Variants in RANBP2 observed in about 807,000 individuals in gnomAD.
RANBP2 encodes E3 SUMO-protein ligase RanBP2.
Under a neutral mutation model 303.6 loss-of-function variants are expected in RANBP2, and 57 were observed. The observed-to-expected ratio is 0.19, with a 90% CI of 0.15 to 0.23. The LOEUF (loss-of-function observed/expected upper bound fraction) is 0.23. RANBP2 is among the 10% of genes least tolerant of loss of function. The pLI is 1.00. For missense variants in RANBP2, 3,138 were observed against 3,780.8 expected, an observed-to-expected ratio of 0.83 and a Z score of 4.46; for synonymous variants, 1,167 against 1,301.5, an observed-to-expected ratio of 0.90 and a Z score of 2.23.
the RANBP2 span, among the ~76,000 whole-genome samples, chr2:108,800,933 C>T: frequency 8.8e-6 from 1 of 114,066 alleles, no homozygotes; most frequent in Non-Finnish European, 1.8e-5. Context: ...CAGTTTCATC[C>T]ATGTCCCTAC....
the RANBP2 span, chr2:109,614,522 G>A: frequency 1.6e-6 from 2 of 1,262,836 alleles, no homozygotes; most frequent in African/African-American, 1.6e-5. Context: ...GCCCCGAGGC[G>A]GCGCTGGGCC....
the RANBP2 span, among the ~76,000 whole-genome samples, chr2:108,998,897 C>T: frequency 4.6e-5 from 7 of 152,312 alleles, no homozygotes; most frequent in East Asian, 1.9e-4. Flanking sequence ...AAGCTGGGCC[C>T]GTGCCTCCTC....
At chr2:109,396,284 A>C in the RANBP2 span, among the ~76,000 whole-genome samples, 2 of 152,244 alleles carry the variant, frequency 1.3e-5, no homozygotes, top group Non-Finnish European at 2.9e-5. Flanking sequence ...AAAATAGAGC[A>C]AAACAGCTGA....
chr2:109,080,723 G>T, the RANBP2 span, among the ~76,000 whole-genome samples: 1 of 152,274 alleles, frequency 6.6e-6, no homozygotes, highest in Non-Finnish European at 1.5e-5. Context: ...TAACACTGGA[G>T]AAATGTCTAA....
At chr2:109,045,257 C>A in the RANBP2 span, among the ~76,000 whole-genome samples, 1 of 152,218 alleles carries the variant, frequency 6.6e-6, no homozygotes, top group Non-Finnish European at 1.5e-5. Context: ...AGGTGGAGGG[C>A]TGCCTCTTGG....
At chr2:109,387,202 G>GC in the RANBP2 span, among the ~76,000 whole-genome samples, 1 of 152,110 alleles carries the variant, frequency 6.6e-6, no homozygotes, top group Non-Finnish European at 1.5e-5. Flanking sequence ...CAGTATTTCT[G>GC]CCTGGCTTTT....
At chr2:109,545,134 C>G in the RANBP2 span, 1 of 985,346 alleles carries the variant, frequency 1.0e-6, no homozygotes, top group Non-Finnish European at 1.2e-6. Context: ...ATGTGTTGCT[C>G]TGTGGGGAAC....
At chr2:109,538,298 T>C in the RANBP2 span, among the ~76,000 whole-genome samples, 1 of 152,148 alleles carries the variant, frequency 6.6e-6, no homozygotes, top group African/African-American at 2.4e-5. Context: ...CAGTCCAGGA[T>C]CATTTTTCTA....
the RANBP2 span, among the ~76,000 whole-genome samples, chr2:109,743,581 A>G: frequency 1.4e-5 from 2 of 141,688 alleles, no homozygotes; most frequent in Non-Finnish European, 3.1e-5. Flanking sequence ...CTGATAAAGG[A>G]CTGTTATCCA....
At position 108,736,183 on chromosome 2, in the gene RANBP2, A is replaced by T. The variant is rs1435847291; in HGVS notation, c.716A>T (p.Tyr239Phe). ...ACCAATACAGACTTACTGCTGGCCT[A>T]TGCTAATCTTATGCTTCTTACGCTT... ...RATNTDLLLA[Y>F]ANLMLLTLST... Residue 239 changes from tyrosine (Y) to phenylalanine (F), a missense_variant, in exon 6 of 29, where the codon TAT (tyrosine) becomes TTT (phenylalanine). Tyr to Phe is a conservative substitution (Grantham distance 22). This residue lies in a region of RANBP2 where 306 missense variants were observed against 381.9 expected (regional missense o/e 0.80). Coordinates refer to ENST00000283195, the MANE Select transcript of RANBP2 (RefSeq NM_006267.5). The T allele has an allele frequency of 5.6e-6, 9 of 1,611,962 alleles. No individual in the cohort carries two copies. Among genetic ancestry groups the T allele is most frequent in the Non-Finnish European group, 7.6e-6 (9 of 1,179,844 alleles).
At chr2:108,924,985 G>C in the RANBP2 span, among the ~76,000 whole-genome samples, 4 of 152,222 alleles carry the variant, frequency 2.6e-5, no homozygotes, top group African/African-American at 9.6e-5. Context: ...GTGGCCACCT[G>C]CTCCCCATCT....
At chr2:109,039,998 CTTAA>C in the RANBP2 span, among the ~76,000 whole-genome samples, 1 of 152,040 alleles carries the variant, frequency 6.6e-6, no homozygotes, top group Non-Finnish European at 1.5e-5. Flanking sequence ...TCAGTCTTTC[CTTAA>C]GTTAGTGCTT....
chr2:109,508,685 G>A, the RANBP2 span, among the ~76,000 whole-genome samples: 1 of 152,066 alleles, frequency 6.6e-6, no homozygotes, highest in East Asian at 1.9e-4. Context: ...GTGTCACATG[G>A]GACACCCACT....
At chr2:109,339,526 C>T in the RANBP2 span, among the ~76,000 whole-genome samples, 8 of 152,054 alleles carry the variant, frequency 5.3e-5, no homozygotes, top group African/African-American at 7.2e-5. Context: ...CCCAAAAGGC[C>T]GGTGGAAAGG....
At chr2:108,863,864 T>C in the RANBP2 span, among the ~76,000 whole-genome samples, 1 of 152,216 alleles carries the variant, frequency 6.6e-6, no homozygotes. Context: ...GAAGTCTACT[T>C]AATAGTCAAT....
the RANBP2 span, among the ~76,000 whole-genome samples, chr2:109,039,013 T>C: frequency 6.6e-6 from 1 of 152,196 alleles, no homozygotes; most frequent in Non-Finnish European, 1.5e-5. Flanking sequence ...GACGTTGCTG[T>C]GAAATTGTTT....
chr2:108,846,060 A>T, the RANBP2 span, among the ~76,000 whole-genome samples: 139,163 of 152,214 alleles, frequency 0.91, 63,702 homozygotes, highest in East Asian at 1. Context: ...ATGACTTTTT[A>T]AATCAGAGTT....
chr2:109,612,876 G>T, the RANBP2 span, among the ~76,000 whole-genome samples: 1 of 152,264 alleles, frequency 6.6e-6, no homozygotes, highest in African/African-American at 2.4e-5. Context: ...TGTCACTTTG[G>T]ACGGATCCTC....
At chr2:109,553,903 A>G in the RANBP2 span, among the ~76,000 whole-genome samples, 1 of 152,118 alleles carries the variant, frequency 6.6e-6, no homozygotes, top group Non-Finnish European at 1.5e-5. Flanking sequence ...ACAAGTGCTC[A>G]CCTAATGCCA....
Sources: allele counts gnomAD v4.1 joint callset (sites outside exome capture counted in the v4.1 genomes callset), GRCh38; gene constraint gnomAD v4.1.1; regional missense constraint gnomAD v4.1.1; transcripts MANE v1.5; gene names NCBI Gene and HGNC (gene_info 2026-07-23, HGNC 2026-07-21).